SPATA6: variants seen among roughly 807,000 people sequenced by gnomAD.
The protein encoded by SPATA6 is spermatogenesis associated 6, also known as spermatogenesis-associated protein 6.
SPATA6 carries 56 observed loss-of-function variants against 65.3 expected under a neutral mutation model. The ratio of observed to expected loss-of-function variants is 0.86; its 90% CI spans 0.69 to 1.07. The LOEUF is 1.07. Among genes scored for constraint, SPATA6 ranks in the 50% least tolerant of loss-of-function variants. The probability of loss-of-function intolerance (pLI) is 0.00; values close to 1 mark genes in which losing one functional copy is unlikely to be tolerated. For missense variants in SPATA6, 590 were observed against 594.8 expected (o/e 0.99, Z 0.08); for synonymous variants, 199 against 213.2 (o/e 0.93, Z 0.58).
At chr1:48,470,454 A>G (rs1658152748) in intron 1 of SPATA6, among the ~76,000 whole-genome samples, 1 of 152,172 alleles carries the variant, frequency 6.6e-6, no homozygotes, top group East Asian at 1.9e-4. Context: ...TACTTTACAA[A>G]AAGTTGTCAA....
chr1:48,387,107 C>G (rs1294069496), intron 8 of SPATA6, among the ~76,000 whole-genome samples: 1 of 152,152 alleles, frequency 6.6e-6, no homozygotes, highest in Non-Finnish European at 1.5e-5. Context: ...ACATGGATGG[C>G]AGCAGGCAAA....
At chr1:48,355,152 G>T (rs1253828531) in intron 11 of SPATA6, among the ~76,000 whole-genome samples, 1 of 152,058 alleles carries the variant, frequency 6.6e-6, no homozygotes, top group African/African-American at 2.4e-5. Context: ...ATGCTTATCT[G>T]CTTTTTCTCA....
In SPATA6 at chr1:48,442,717, T is replaced by TAAAAAAAA. The variant is rs71056669; in HGVS notation, c.238+8827_238+8834dup. ...CAAAGAGAAAGAGAGATGGAAGTAG[T>TAAAAAAAA]AAAAAAAAAAAAAAAAAAAAAAAAA... On this transcript the variant is annotated intron_variant, in intron 3 of 12. Coordinates refer to ENST00000371847, the MANE Select transcript of SPATA6 (RefSeq NM_019073.4). 1.5e-4 allele frequency among the ~76,000 whole-genome samples: 7 copies of TAAAAAAAA among 46,218 alleles called. 1 individual carries two copies. Among genetic ancestry groups the TAAAAAAAA allele is most frequent in the African/African-American group, 4.6e-4 (5 of 10,930 alleles). The allele number at this position is 46,218 out of a possible 152,430, so 30.3% of individuals were successfully genotyped here.
intron 11 of SPATA6, among the ~76,000 whole-genome samples, chr1:48,351,637 G>A (rs1646516293): frequency 6.6e-6 from 1 of 151,982 alleles, no homozygotes; most frequent in South Asian, 2.1e-4. Context: ...CCACTTAATT[G>A]TGATGTATTT....
At chr1:48,264,614 C>G in the SPATA6 span, among the ~76,000 whole-genome samples, 53 of 152,096 alleles carry the variant, frequency 3.5e-4, no homozygotes, top group Non-Finnish European at 5.6e-4. Flanking sequence ...TGAGAACATA[C>G]AGTGTTTGGT....
chr1:48,439,732 C>T (rs1490205316), intron 3 of SPATA6, among the ~76,000 whole-genome samples: 1 of 151,822 alleles, frequency 6.6e-6, no homozygotes, highest in East Asian at 1.9e-4. Context: ...GCATCCTAAG[C>T]CATTGGGACA....
the SPATA6 span, among the ~76,000 whole-genome samples, chr1:48,267,608 C>T: frequency 3.3e-5 from 5 of 152,218 alleles, no homozygotes; most frequent in South Asian, 1.0e-3. Context: ...CGTTGTCCTA[C>T]CTGGTCTACA....
the SPATA6 span, among the ~76,000 whole-genome samples, chr1:48,285,894 C>T: frequency 6.6e-6 from 1 of 152,182 alleles, no homozygotes; most frequent in Non-Finnish European, 1.5e-5. Context: ...GCCATCTTGC[C>T]AGCCACCCCC....
chr1:48,304,874 C>A (rs768453496), intron 12 of SPATA6, among the ~76,000 whole-genome samples: 1 of 152,140 alleles, frequency 6.6e-6, no homozygotes, highest in Admixed American at 6.6e-5. Context: ...AGGGAATATG[C>A]CTTTAATGAA....
At chr1:48,382,434 T>A in intron 9 of SPATA6, among the ~76,000 whole-genome samples, 1 of 132,398 alleles carries the variant, frequency 7.6e-6, no homozygotes, top group South Asian at 2.7e-4. Flanking sequence ...CCTCACCTCC[T>A]GGATAGGGCG....
intron 3 of SPATA6, among the ~76,000 whole-genome samples, chr1:48,429,461 C>G (rs1016629579): frequency 3.9e-5 from 6 of 151,900 alleles, no homozygotes; most frequent in African/African-American, 1.5e-4. Flanking sequence ...CAGCCCATAA[C>G]AATGAAAAAA....
intron 9 of SPATA6, among the ~76,000 whole-genome samples, chr1:48,368,249 T>C (rs1301093891): frequency 6.6e-6 from 1 of 152,186 alleles, no homozygotes; most frequent in African/African-American, 2.4e-5. Flanking sequence ...ATTTAAACTT[T>C]GGTGAATCTG....
intron 4 of SPATA6, among the ~76,000 whole-genome samples, chr1:48,412,398 T>G (rs1400534185): frequency 6.6e-6 from 1 of 152,040 alleles, no homozygotes; most frequent in Non-Finnish European, 1.5e-5. Flanking sequence ...TTTAGAAAAA[T>G]CACAAAAACT....
chr1:48,379,202 G>C (rs1411224306), intron 9 of SPATA6, among the ~76,000 whole-genome samples: 4 of 152,174 alleles, frequency 2.6e-5, no homozygotes, highest in Non-Finnish European at 4.4e-5. Context: ...GCAAGAGAGA[G>C]CAAGCAACAG....
At chr1:48,388,095 G>GT (rs1202846676) in intron 8 of SPATA6, among the ~76,000 whole-genome samples, 1 of 152,154 alleles carries the variant, frequency 6.6e-6, no homozygotes, top group East Asian at 1.9e-4. Flanking sequence ...GACAGGCATG[G>GT]TCAGCTCAAT....
the SPATA6 span, among the ~76,000 whole-genome samples, chr1:48,267,514 G>C: frequency 6.6e-6 from 1 of 152,060 alleles, no homozygotes; most frequent in African/African-American, 2.4e-5. Flanking sequence ...AGCTAGAAGG[G>C]GGATGGAGTG....
At chr1:48,386,502 A>G (rs1190484554) in intron 8 of SPATA6, among the ~76,000 whole-genome samples, 1 of 152,232 alleles carries the variant, frequency 6.6e-6, no homozygotes, top group East Asian at 1.9e-4. Context: ...TACATTGAAT[A>G]GATCAGCCAA....
At chr1:48,367,724 C>T (rs1647073218) in intron 9 of SPATA6, among the ~76,000 whole-genome samples, 3 of 152,148 alleles carry the variant, frequency 2.0e-5, no homozygotes, top group African/African-American at 4.8e-5. Flanking sequence ...GAGTACAGCA[C>T]ACTGATGGGT....
At chr1:48,281,827 A>T in the SPATA6 span, among the ~76,000 whole-genome samples, 2 of 152,210 alleles carry the variant, frequency 1.3e-5, no homozygotes, top group Non-Finnish European at 2.9e-5. Flanking sequence ...AGAATTGGAA[A>T]AAACTACTTA....
Sources: gnomAD v4.1 joint callset for allele counts (sites outside exome capture counted in the v4.1 genomes callset) on GRCh38, gnomAD v4.1.1 for gene constraint, MANE v1.5 for transcripts, NCBI Gene and HGNC (gene_info 2026-07-23, HGNC 2026-07-21) for gene names.